Variants in HS6ST3 observed in about 807,000 individuals in gnomAD.
HS6ST3 encodes heparan-sulfate 6-O-sulfotransferase 3.
HS6ST3 carries 12 observed loss-of-function variants against 36.7 expected under a neutral mutation model. The ratio of observed to expected loss-of-function variants is 0.33; its 90% CI spans 0.21 to 0.53. The LOEUF is 0.53. Ranked by LOEUF, HS6ST3 falls within the 20% of genes least tolerant of loss-of-function variation. The probability of loss-of-function intolerance (pLI) is 0.95; values close to 1 mark genes in which losing one functional copy is unlikely to be tolerated. For missense variants in HS6ST3, 584 were observed against 640.9 expected, an observed-to-expected ratio of 0.91 and a Z score of 0.96; for synonymous variants, 240 against 257.5, an observed-to-expected ratio of 0.93 and a Z score of 0.65.
At chr13:96,691,254 C>T (rs1874948467) in intron 1 of HS6ST3, among the ~76,000 whole-genome samples, 1 of 152,030 alleles carries the variant, frequency 6.6e-6, no homozygotes, top group South Asian at 2.1e-4. Context: ...GCTCTGGTGA[C>T]AGGCTACTGA....
intron 1 of HS6ST3, among the ~76,000 whole-genome samples, chr13:96,523,677 A>G (rs1234790707): frequency 6.6e-6 from 1 of 151,938 alleles, no homozygotes; most frequent in Non-Finnish European, 1.5e-5. Context: ...AAGCTTGTGT[A>G]TGCTTCACGA....
At chr13:96,402,847 G>T (rs187837463) in intron 1 of HS6ST3, among the ~76,000 whole-genome samples, 1 of 152,244 alleles carries the variant, frequency 6.6e-6, no homozygotes, top group Admixed American at 6.5e-5. Context: ...TGCAGTTGGG[G>T]CTTTTATGAA....
At chr13:96,710,234 G>A (rs1048423738) in intron 1 of HS6ST3, among the ~76,000 whole-genome samples, 10 of 152,262 alleles carry the variant, frequency 6.6e-5, no homozygotes, top group African/African-American at 2.2e-4. Context: ...AAAATAGGAT[G>A]AAGTAGTAAG....
chr13:96,776,525 A>G (rs1241320047), intron 1 of HS6ST3, among the ~76,000 whole-genome samples: 7 of 152,226 alleles, frequency 4.6e-5, no homozygotes. Flanking sequence ...CACTGATCCC[A>G]CAGAAATACG....
intron 1 of HS6ST3, among the ~76,000 whole-genome samples, chr13:96,552,037 A>AT (rs2056221408): frequency 6.6e-6 from 1 of 152,122 alleles, no homozygotes; most frequent in African/African-American, 2.4e-5. Flanking sequence ...GTCAGCTGTT[A>AT]TTTTTTTAAA....
intron 1 of HS6ST3, among the ~76,000 whole-genome samples, chr13:96,444,313 G>T (rs35754324): frequency 0.29 from 43,443 of 152,064 alleles, 6,483 homozygotes; most frequent in South Asian, 0.43. Flanking sequence ...GGAATGACCA[G>T]GAGTAATAGT....
At chr13:96,472,200 C>T (rs140367678) in intron 1 of HS6ST3, among the ~76,000 whole-genome samples, 1 of 152,304 alleles carries the variant, frequency 6.6e-6, no homozygotes, top group African/African-American at 2.4e-5. Flanking sequence ...GGAACAAGAA[C>T]CCAATCTACT....
intron 1 of HS6ST3, among the ~76,000 whole-genome samples, chr13:96,105,032 A>G (rs533767620): frequency 2.7e-5 from 4 of 147,858 alleles, no homozygotes; most frequent in South Asian, 2.1e-4. Flanking sequence ...TTTGCACAGG[A>G]CAAATAATGT....
At chr13:96,630,234 T>C (rs1339039235) in intron 1 of HS6ST3, among the ~76,000 whole-genome samples, 1 of 152,216 alleles carries the variant, frequency 6.6e-6, no homozygotes. Flanking sequence ...ATTCTTGGTG[T>C]GCTGTTTCTG....
At chr13:96,162,190 T>C (rs2054138728) in intron 1 of HS6ST3, among the ~76,000 whole-genome samples, 1 of 152,180 alleles carries the variant, frequency 6.6e-6, no homozygotes. Flanking sequence ...AAATGTATTT[T>C]AAAAAATTTA....
At chr13:96,500,840 A>G (rs1207840033) in intron 1 of HS6ST3, among the ~76,000 whole-genome samples, 1 of 152,232 alleles carries the variant, frequency 6.6e-6, no homozygotes, top group Non-Finnish European at 1.5e-5. Flanking sequence ...TGCTCTAATA[A>G]TATTAGAGCT....
chr13:96,448,544 C>T (rs996804464), intron 1 of HS6ST3, among the ~76,000 whole-genome samples: 2 of 111,612 alleles, frequency 1.8e-5, no homozygotes, highest in Non-Finnish European at 3.4e-5. Context: ...ACAGTGCAAA[C>T]CACCTAATAA....
chr13:96,801,581 A>G (rs1175488410), intron 1 of HS6ST3, among the ~76,000 whole-genome samples: 1 of 152,030 alleles, frequency 6.6e-6, no homozygotes, highest in Non-Finnish European at 1.5e-5. Context: ...TCTCTTACAT[A>G]ATCTCATGAA....
intron 1 of HS6ST3, among the ~76,000 whole-genome samples, chr13:96,254,430 AAAAAAAAAAAAAAAAAAAATATATAT>A (rs2054622629): frequency 1.1e-4 from 5 of 44,018 alleles, no homozygotes; most frequent in African/African-American, 3.9e-4. Flanking sequence ...AAAAAAAAAA[AAAAAAAAAAAAAAAAAAAATATATAT>A]ATATATATAT....
intron 1 of HS6ST3, among the ~76,000 whole-genome samples, chr13:96,317,329 TATATATATA>T (rs2054975843): frequency 5.3e-5 from 1 of 18,730 alleles, no homozygotes; most frequent in African/African-American, 1.7e-4. Context: ...TATTCCATTA[TATATATATA>T]TATATATATA....
At chr13:96,751,271 T>C (rs754420401) in intron 1 of HS6ST3, among the ~76,000 whole-genome samples, 6 of 152,054 alleles carry the variant, frequency 3.9e-5, no homozygotes, top group Non-Finnish European at 5.9e-5. Flanking sequence ...TTCCAGACTA[T>C]CTGGATGAGC....
intron 1 of HS6ST3, among the ~76,000 whole-genome samples, chr13:96,376,982 C>T (rs895959797): frequency 4.7e-5 from 7 of 149,958 alleles, no homozygotes; most frequent in African/African-American, 9.8e-5. Context: ...TTAATCTTTA[C>T]AGTATTTTTG....
chr13:96,810,060 A>C (rs1166151902), intron 1 of HS6ST3, among the ~76,000 whole-genome samples: 1 of 152,186 alleles, frequency 6.6e-6, no homozygotes, highest in Non-Finnish European at 1.5e-5. Flanking sequence ...TTAAGGGCTG[A>C]AACAGCATCC....
At chr13:96,364,534 T>C (rs1451306305) in intron 1 of HS6ST3, among the ~76,000 whole-genome samples, 1 of 152,150 alleles carries the variant, frequency 6.6e-6, no homozygotes, top group East Asian at 1.9e-4. Flanking sequence ...ATGATTCCAC[T>C]ATTATGAGGT....
Sources: allele counts gnomAD v4.1 joint callset (sites outside exome capture counted in the v4.1 genomes callset), GRCh38; gene constraint gnomAD v4.1.1; transcripts MANE v1.5; gene names NCBI Gene and HGNC (gene_info 2026-07-23, HGNC 2026-07-21).